DNAH12: variants seen among roughly 807,000 people sequenced by gnomAD.
DNAH12 encodes the protein dynein axonemal heavy chain 12, also known as axonemal beta dynein heavy chain 12.
DNAH12 carries 285 observed loss-of-function variants against 371.5 expected under a neutral mutation model. The observed-to-expected ratio is 0.77, with a 90% CI of 0.70 to 0.85. DNAH12 has a LOEUF of 0.85. Among genes scored for constraint, DNAH12 ranks in the 40% least tolerant of loss-of-function variants. DNAH12 has a pLI of 0.00. For synonymous variants in DNAH12, 1,200 were observed against 1,213.0 expected (o/e 0.99, Z 0.22); for missense variants, 3,611 against 3,689.4 (o/e 0.98, Z 0.55).
chr3:57,382,774 C>T (rs2063421554), intron 49 of DNAH12, among the ~76,000 whole-genome samples: 1 of 152,026 alleles, frequency 6.6e-6, no homozygotes, highest in Non-Finnish European at 1.5e-5. Flanking sequence ...TATATTAGTT[C>T]TATTGAAGAA....
At chr3:57,399,492 G>A (rs1480763494) in intron 43 of DNAH12, among the ~76,000 whole-genome samples, 1 of 152,068 alleles carries the variant, frequency 6.6e-6, no homozygotes, top group Non-Finnish European at 1.5e-5. Context: ...CCAGCCAAAT[G>A]GTAACTAAGA....
intron 37 of DNAH12, among the ~76,000 whole-genome samples, chr3:57,417,607 A>G (rs1379795723): frequency 2.6e-5 from 4 of 152,168 alleles, no homozygotes; most frequent in African/African-American, 7.2e-5. Context: ...GCTATCCTCT[A>G]AAATGTAGCA....
intron 62 of DNAH12, among the ~76,000 whole-genome samples, chr3:57,326,750 AAGACAC>A (rs1336338856): frequency 3.9e-5 from 6 of 152,238 alleles, no homozygotes; most frequent in African/African-American, 1.4e-4. Flanking sequence ...CTCCAATTAA[AAGACAC>A]AGACTGGCAA....
chr3:57,395,120 C>T (rs2063710175), intron 43 of DNAH12, among the ~76,000 whole-genome samples: 1 of 151,452 alleles, frequency 6.6e-6, no homozygotes, highest in East Asian at 1.9e-4. Flanking sequence ...TATCTATGCT[C>T]TGGAAAGTTT....
intron 25 of DNAH12, among the ~76,000 whole-genome samples, chr3:57,449,270 C>T (rs1299294719): frequency 6.6e-6 from 1 of 152,100 alleles, no homozygotes; most frequent in Non-Finnish European, 1.5e-5. Context: ...ACTCAGAAGC[C>T]CGGCTGGCTT....
chr3:57,450,321 G>C (rs1253692002), intron 25 of DNAH12, among the ~76,000 whole-genome samples: 2 of 151,778 alleles, frequency 1.3e-5, no homozygotes, highest in African/African-American at 4.8e-5. Flanking sequence ...GGCTGAGGTG[G>C]GCAGATCACC....
chr3:57,334,918 G>A lies in DNAH12; in HGVS notation c.9697C>T (p.Gln3233Ter). ...LLLARKEIEYQELMFLLTGGV... is the reference protein window; with the variant it reads ...LLLARKEIEY ...CCAGTTAAAAGAAACATCAGTTCCTGGTATTCAATCTCTTTCCTTGCCCTG... is the reference window on the plus strand; with the variant it reads ...CCAGTTAAAAGAAACATCAGTTCCTAGTATTCAATCTCTTTCCTTGCCCTG... Residue 3233 changes from glutamine to a stop codon, truncating the protein, a stop_gained, in exon 61 of 74, where the codon CAG (glutamine) becomes TAG (stop). Coordinates refer to ENST00000495027, the MANE Select transcript of DNAH12 (RefSeq NM_001366028.2). LOFTEE classifies it high-confidence loss of function. 1 of 1,549,760 alleles carries A rather than the reference G, an allele frequency of 6.5e-7. No homozygotes were observed. The highest frequency in any genetic ancestry group is 8.7e-7 in the Non-Finnish European group (1 of 1,146,530).
intron 42 of DNAH12, 57 bp downstream of exon 42, chr3:57,404,912 T>G: frequency 7.2e-7 from 1 of 1,398,454 alleles, no homozygotes; most frequent in Non-Finnish European, 9.3e-7. Flanking sequence ...ATTTCAAACA[T>G]TTCATAATAA....
At chr3:57,435,232 C>T (rs2065080919) in intron 30 of DNAH12, among the ~76,000 whole-genome samples, 1 of 151,726 alleles carries the variant, frequency 6.6e-6, no homozygotes, top group Non-Finnish European at 1.5e-5. Context: ...ATTAGCTGGG[C>T]GTGATGGCAT....
intron 55 of DNAH12, among the ~76,000 whole-genome samples, chr3:57,369,058 A>G (rs2063111300): frequency 6.6e-6 from 1 of 151,680 alleles, no homozygotes; most frequent in East Asian, 1.9e-4. Flanking sequence ...AAAAAAGTAA[A>G]TAAATACAAA....
At chr3:57,303,448 G>C (rs1357348679) in intron 69 of DNAH12, among the ~76,000 whole-genome samples, 1 of 140,968 alleles carries the variant, frequency 7.1e-6, no homozygotes, top group Non-Finnish European at 1.5e-5. Flanking sequence ...GTCTCACTGT[G>C]TAACACAGGC....
At chr3:57,298,336 T>A (rs2061276939) in intron 70 of DNAH12, among the ~76,000 whole-genome samples, 1 of 152,168 alleles carries the variant, frequency 6.6e-6, no homozygotes, top group African/African-American at 2.4e-5. Flanking sequence ...CACTCTCAAC[T>A]CCTCAAAGTT....
At chr3:57,494,237 C>A (rs1311115420) in intron 11 of DNAH12, among the ~76,000 whole-genome samples, 7 of 151,190 alleles carry the variant, frequency 4.6e-5, no homozygotes, top group Non-Finnish European at 1.0e-4. Flanking sequence ...GTCTTAAAAA[C>A]AAAACAAAAC....
intron 5 of DNAH12, 118 bp from the exon 6 acceptor site, chr3:57,509,330 G>A: frequency 1.1e-6 from 1 of 925,318 alleles, no homozygotes; most frequent in Non-Finnish European, 1.6e-6. Flanking sequence ...AGGAATGTAA[G>A]AAAAAACTCC....
chr3:57,477,316 C>G (rs543669800), intron 13 of DNAH12, among the ~76,000 whole-genome samples: 2 of 152,242 alleles, frequency 1.3e-5, no homozygotes, highest in African/African-American at 4.8e-5. Context: ...CCCACGGAGC[C>G]TCACTCATTG....
At chr3:57,327,563 T>A (rs2153301483) in intron 62 of DNAH12, among the ~76,000 whole-genome samples, 1 of 151,744 alleles carries the variant, frequency 6.6e-6, no homozygotes, top group East Asian at 1.9e-4. Context: ...CAAAGCAGTG[T>A]GTAAAGGGAA....
chr3:57,436,548 C>A (rs2065131209), intron 30 of DNAH12, among the ~76,000 whole-genome samples: 1 of 152,170 alleles, frequency 6.6e-6, no homozygotes. Context: ...GAAAAGATAA[C>A]TTGTCTTTCT....
intron 69 of DNAH12, among the ~76,000 whole-genome samples, chr3:57,305,255 T>C (rs1211781230): frequency 6.6e-6 from 1 of 152,030 alleles, no homozygotes; most frequent in East Asian, 1.9e-4. Flanking sequence ...TCTTTCCCTC[T>C]CACCTCTCCC....
Position 57,421,562 on chromosome 3 carries a change from A to G in DNAH12, c.5518T>C (p.Cys1840Arg). The G allele has an allele frequency of 1.3e-6, 2 of 1,551,640 alleles. No individual in the cohort carries two copies. Among genetic ancestry groups the G allele is most frequent in the Non-Finnish European group, 1.7e-6 (2 of 1,146,988 alleles). Residue 1840 changes from cysteine (C) to arginine (R), a missense_variant, in exon 36 of 74, where the codon TGC becomes CGC. This residue lies in a region of DNAH12 where 2,266 missense variants were observed against 2,236.9 expected (regional missense o/e 1.01). Coordinates refer to ENST00000495027, the MANE Select transcript of DNAH12 (RefSeq NM_001366028.2). ...PVPDSVGKWE[C>R]PFDEKGLVYD... ...ACCAGGCCTTTTTCATCAAATGGGCATTCCCATTTACCCACAGAATCTGGC... is the reference window on the plus strand; with the variant it reads ...ACCAGGCCTTTTTCATCAAATGGGCGTTCCCATTTACCCACAGAATCTGGC...
Sources: gnomAD v4.1 joint callset for allele counts (sites outside exome capture counted in the v4.1 genomes callset) on GRCh38, gnomAD v4.1.1 for gene constraint, gnomAD v4.1.1 regional missense constraint, MANE v1.5 for transcripts, NCBI Gene and HGNC (gene_info 2026-07-23, HGNC 2026-07-21) for gene names.